The following GAB2 variants were observed in gnomAD, a reference collection of about 807,000 sequenced individuals.
The protein encoded by GAB2 is GRB2 associated binding protein 2, also known as GRB2-associated-binding protein 2.
A neutral mutation model predicts 65.5 loss-of-function variants in GAB2; 26 were observed. That is an observed-to-expected ratio of 0.40 (90% CI 0.29 to 0.55). The LOEUF is 0.55. Among genes scored for constraint, GAB2 ranks in the 20% least tolerant of loss-of-function variants. GAB2 has a pLI of 0.53. For synonymous variants in GAB2, 321 were observed against 329.6 expected (o/e 0.97, Z 0.28); for missense variants, 884 against 875.8 (o/e 1.01, Z -0.12).
At chr11:78,220,565 T>A in intron 8 of GAB2, 121 bp from the exon 9 acceptor site, 1 of 734,478 alleles carries the variant, frequency 1.4e-6, no homozygotes, top group Non-Finnish European at 2.1e-6. Flanking sequence ...ACATGCACCA[T>A]GCTAAGGACT....
At chr11:78,370,337 C>G (rs1433260866) in intron 1 of GAB2, among the ~76,000 whole-genome samples, 1 of 151,746 alleles carries the variant, frequency 6.6e-6, no homozygotes, top group African/African-American at 2.4e-5. Context: ...TTTATTTTAT[C>G]TCACAGGATT....
intron 1 of GAB2, among the ~76,000 whole-genome samples, chr11:78,390,499 G>C (rs1033789483): frequency 6.6e-6 from 1 of 152,182 alleles, no homozygotes; most frequent in Non-Finnish European, 1.5e-5. Context: ...TGATGCACAA[G>C]AATCACTTGA....
chr11:78,371,302 C>T (rs921941536), intron 1 of GAB2, among the ~76,000 whole-genome samples: 2 of 152,192 alleles, frequency 1.3e-5, no homozygotes, highest in African/African-American at 4.8e-5. Flanking sequence ...GGACTTGCAG[C>T]CAGACAGTTC....
chr11:78,374,924 G>A (rs1394532223), intron 1 of GAB2, among the ~76,000 whole-genome samples: 1 of 152,170 alleles, frequency 6.6e-6, no homozygotes, highest in African/African-American at 2.4e-5. Context: ...ACAGCATCAA[G>A]TCTATTGAAA....
intron 3 of GAB2, among the ~76,000 whole-genome samples, chr11:78,244,057 A>T (rs1224491819): frequency 1.3e-5 from 2 of 151,952 alleles, no homozygotes; most frequent in Non-Finnish European, 2.9e-5. Context: ...CCCAGCTAAG[A>T]CCTCAGAAGC....
chr11:78,260,592 C>G (rs1162887026), intron 2 of GAB2, among the ~76,000 whole-genome samples: 3 of 152,100 alleles, frequency 2.0e-5, no homozygotes, highest in African/African-American at 7.2e-5. Context: ...CTGCCTCAGC[C>G]TCCCGAGTAG....
At chr11:78,259,330 G>C (rs893163043) in intron 2 of GAB2, among the ~76,000 whole-genome samples, 14 of 152,294 alleles carry the variant, frequency 9.2e-5, no homozygotes, top group African/African-American at 3.1e-4. Flanking sequence ...TTTATTACTA[G>C]AAGTGGAATG....
intron 3 of GAB2, among the ~76,000 whole-genome samples, chr11:78,239,302 C>A (rs1404288112): frequency 1.3e-5 from 2 of 152,132 alleles, no homozygotes; most frequent in Non-Finnish European, 2.9e-5. Context: ...TTCACTGCAA[C>A]CTCCACCTCC....
intron 3 of GAB2, among the ~76,000 whole-genome samples, chr11:78,248,154 A>C (rs1865347713): frequency 6.6e-6 from 1 of 152,220 alleles, no homozygotes; most frequent in African/African-American, 2.4e-5. Flanking sequence ...AGAGAGAGAG[A>C]GAGAATAAAA....
chr11:78,312,769 G>A (rs1855527511), intron 1 of GAB2, among the ~76,000 whole-genome samples: 1 of 152,204 alleles, frequency 6.6e-6, no homozygotes, highest in Admixed American at 6.5e-5. Context: ...GGAGGGTGAA[G>A]TGGTTAAGTA....
rs1323260120 is a variant in GAB2, at chr11:78,216,322, C to G, written c.*2950G>C. ...AGCAGTGCTGAGTGGGAAGGTATCC[C>G]CTTTCCGTAGGCTCAGTCCTCTCCA... is the stretch of plus-strand genomic sequence containing the variant. On this transcript the variant is annotated 3_prime_UTR_variant, in exon 10 of 10. Transcript: ENST00000361507. 2.6e-5 allele frequency: 4 copies of G among 152,140 alleles called. No homozygotes were observed. The highest frequency in any genetic ancestry group is 5.9e-5 in the Non-Finnish European group (4 of 68,010). 9.4% of individuals were successfully genotyped at this position (152,140 alleles called of 1,614,324 possible).
chr11:78,313,260 A>G (rs1463550095), intron 1 of GAB2, among the ~76,000 whole-genome samples: 6 of 152,056 alleles, frequency 3.9e-5, no homozygotes, highest in African/African-American at 1.4e-4. Context: ...CTGCCAGATA[A>G]ACAGCGTTAC....
chr11:78,225,221 T>G lies in GAB2; in HGVS notation c.1208-19A>C. ...GAAGAAGCTGACAGAGGAAGGAGGA[T>G]TCATAAGTACTCATGGTTGATTCAT... On this transcript the variant is annotated intron_variant, in intron 4 of 9. Transcript: ENST00000361507. 6.6e-7 allele frequency: 1 copy of G among 1,526,392 alleles called. No individual in the cohort carries two copies. Among genetic ancestry groups the G allele is most frequent in the African/African-American group, 1.4e-5 (1 of 73,184 alleles). 94.6% of individuals were successfully genotyped at this position (1,526,392 alleles called of 1,614,324 possible). A position where few individuals can be genotyped will look rare whatever the true frequency, so the allele number is the denominator to read the frequency against.
At chr11:78,382,063 GT>G (rs1465869683) in intron 1 of GAB2, among the ~76,000 whole-genome samples, 1 of 152,160 alleles carries the variant, frequency 6.6e-6, no homozygotes, top group East Asian at 1.9e-4. Flanking sequence ...AAAGACCTTT[GT>G]TCTCTTCTTC....
rs1475083248 is a variant in GAB2, at chr11:78,216,306, G to C, written c.*2966C>G. On this transcript the variant is annotated 3_prime_UTR_variant, in exon 10 of 10. Coordinates refer to ENST00000361507, the MANE Select transcript of GAB2 (RefSeq NM_080491.3). ...CAGGGGGCCTGTGTGAAGCAGTGCT[G>C]AGTGGGAAGGTATCCCCTTTCCGTA... The C allele has an allele frequency of 6.6e-6, 1 of 152,270 alleles. No individual in the cohort carries two copies. The highest frequency in any genetic ancestry group is 2.4e-5 in the African/African-American group (1 of 41,462). The allele number at this position is 152,270 out of a possible 1,614,324, so 9.4% of individuals were successfully genotyped here.
chr11:78,333,631 G>A (rs1486051560), intron 1 of GAB2, among the ~76,000 whole-genome samples: 1 of 152,148 alleles, frequency 6.6e-6, no homozygotes, highest in African/African-American at 2.4e-5. Context: ...ACAAAATGTA[G>A]GTGGTCCTGT....
Position 78,216,670 on chromosome 11 carries a change from C to A in GAB2, c.*2602G>T, listed in dbSNP as rs535784008. 1 of 152,174 alleles carries A rather than the reference C, an allele frequency of 6.6e-6. No homozygotes were observed. The highest frequency in any genetic ancestry group is 6.5e-5 in the Admixed American group (1 of 15,282). The allele number at this position is 152,174 out of a possible 1,614,324, so 9.4% of individuals were successfully genotyped here. A position where few individuals can be genotyped will look rare whatever the true frequency, so the allele number is the denominator to read the frequency against. On this transcript the variant is annotated 3_prime_UTR_variant, in exon 10 of 10. Transcript: ENST00000361507. ...GGAGATTCGATTTGAACACCTCAGT[C>A]GCTCTCCGAAGATTCCAGCCAGGTC...
chr11:78,378,566 T>C (rs1226773301), intron 1 of GAB2, among the ~76,000 whole-genome samples: 1 of 152,236 alleles, frequency 6.6e-6, no homozygotes, highest in East Asian at 1.9e-4. Flanking sequence ...TCTCTCTTTC[T>C]CCCTTCACCC....
intron 1 of GAB2, among the ~76,000 whole-genome samples, chr11:78,367,840 T>G (rs1401476590): frequency 6.7e-6 from 1 of 149,250 alleles, no homozygotes; most frequent in East Asian, 1.9e-4. Flanking sequence ...TTTTTTTTTT[T>G]TTGAGACGGA....
Sources: gnomAD v4.1 joint callset for allele counts (sites outside exome capture counted in the v4.1 genomes callset) on GRCh38, gnomAD v4.1.1 for gene constraint, MANE v1.5 for transcripts, NCBI Gene and HGNC (gene_info 2026-07-23, HGNC 2026-07-21) for gene names.